OR9Q1: variants seen among roughly 807,000 people sequenced by gnomAD.
The protein encoded by OR9Q1 is olfactory receptor family 9 subfamily Q member 1, also known as olfactory receptor 9Q1.
For synonymous variants in OR9Q1, 153 were observed against 148.6 expected (o/e 1.03, Z -0.22); for missense variants, 374 against 378.8 (o/e 0.99, Z 0.11).
At chr11:58,155,768 A>C (rs916935933) in intron 2 of OR9Q1, among the ~76,000 whole-genome samples, 6 of 152,214 alleles carry the variant, frequency 3.9e-5, no homozygotes, top group Non-Finnish European at 8.8e-5. Context: ...TTGGGAGGTG[A>C]CAGAATATCA....
chr11:58,139,179 C>A (rs565417441), intron 2 of OR9Q1, among the ~76,000 whole-genome samples: 2 of 152,190 alleles, frequency 1.3e-5, no homozygotes, highest in Non-Finnish European at 1.5e-5. Context: ...AGGGGGCAAA[C>A]CTCTAGCACA....
intron 2 of OR9Q1, chr11:58,078,599 T>G (rs187750637): frequency 6.6e-6 from 1 of 152,360 alleles, no homozygotes; most frequent in African/African-American, 2.4e-5. Flanking sequence ...GAGATTCTTT[T>G]CAGTTGTAGG....
chr11:58,069,139 G>GTCCATGCCTCACACATGGGAGAC (rs530164685), intron 2 of OR9Q1, among the ~76,000 whole-genome samples: 8 of 151,464 alleles, frequency 5.3e-5, no homozygotes, highest in African/African-American at 2.0e-4. Flanking sequence ...ACTCAAGTGA[G>GTCCATGCCTCACACATGGGAGAC]TCCATGCCTC....
chr11:58,136,578 A>C (rs1217667949), intron 2 of OR9Q1, among the ~76,000 whole-genome samples: 1 of 152,132 alleles, frequency 6.6e-6, no homozygotes, highest in South Asian at 2.1e-4. Context: ...TGGCGGTTCT[A>C]TTGAGAATTA....
At chr11:58,086,968 TAG>T (rs1428429908) in intron 2 of OR9Q1, among the ~76,000 whole-genome samples, 1 of 151,798 alleles carries the variant, frequency 6.6e-6, no homozygotes, top group Non-Finnish European at 1.5e-5. Flanking sequence ...TAATGCATCA[TAG>T]ATTTCAAAAT....
At chr11:58,155,922 T>TTA (rs1242217378) in intron 2 of OR9Q1, among the ~76,000 whole-genome samples, 2 of 150,926 alleles carry the variant, frequency 1.3e-5, no homozygotes, top group Non-Finnish European at 3.0e-5. Flanking sequence ...TTCCTTCCTT[T>TTA]TTTTTTTTTT....
intron 2 of OR9Q1, among the ~76,000 whole-genome samples, chr11:58,089,971 G>T (rs966018513): frequency 2.6e-5 from 4 of 152,044 alleles, no homozygotes; most frequent in African/African-American, 9.7e-5. Flanking sequence ...GCATAGGATT[G>T]TTTGTGATTT....
intron 2 of OR9Q1, among the ~76,000 whole-genome samples, chr11:58,164,890 G>T (rs1286722307): frequency 6.6e-6 from 1 of 152,122 alleles, no homozygotes; most frequent in Non-Finnish European, 1.5e-5. Context: ...TGTTCCCTCT[G>T]CTAGCATGCT....
At chr11:58,065,789 T>G (rs1052775909) in intron 2 of OR9Q1, among the ~76,000 whole-genome samples, 2 of 152,158 alleles carry the variant, frequency 1.3e-5, no homozygotes, top group African/African-American at 4.8e-5. Flanking sequence ...GAAAAGGCCT[T>G]GCTTGCAGTT....
intron 2 of OR9Q1, chr11:58,145,029 C>A: frequency 6.1e-6 from 1 of 164,316 alleles, no homozygotes; most frequent in South Asian, 1.7e-4. Context: ...ACCTCCCACC[C>A]CTGCTGAAGC....
At chr11:58,155,479 A>G (rs1241870359) in intron 2 of OR9Q1, among the ~76,000 whole-genome samples, 1 of 152,228 alleles carries the variant, frequency 6.6e-6, no homozygotes, top group African/African-American at 2.4e-5. Flanking sequence ...TCTCAGAGTC[A>G]TGCAAGTGCA....
chr11:58,162,174 C>G (rs1854463406), intron 2 of OR9Q1, among the ~76,000 whole-genome samples: 1 of 152,180 alleles, frequency 6.6e-6, no homozygotes, highest in Non-Finnish European at 1.5e-5. Context: ...AACTGTGTAA[C>G]ATGCTAACAT....
chr11:58,169,501 G>A (rs989578637), intron 2 of OR9Q1, among the ~76,000 whole-genome samples: 9 of 152,030 alleles, frequency 5.9e-5, no homozygotes, highest in Non-Finnish European at 8.8e-5. Flanking sequence ...TCTGGGAAGC[G>A]TAGCAGGTTT....
At chr11:58,177,935 T>C (rs1054102523) in intron 2 of OR9Q1, among the ~76,000 whole-genome samples, 1 of 152,072 alleles carries the variant, frequency 6.6e-6, no homozygotes, top group Non-Finnish European at 1.5e-5. Context: ...GAAGGTAGGG[T>C]AAGAGTTGGC....
chr11:58,092,390 T>A, intron 2 of OR9Q1, among the ~76,000 whole-genome samples: 1 of 151,948 alleles, frequency 6.6e-6, no homozygotes, highest in East Asian at 1.9e-4. Flanking sequence ...TGATGTGCAA[T>A]TTTTTTGCTT....
At chr11:58,065,967 C>T (rs150648531) in intron 2 of OR9Q1, among the ~76,000 whole-genome samples, 1 of 152,282 alleles carries the variant, frequency 6.6e-6, no homozygotes, top group African/African-American at 2.4e-5. Context: ...ACCCAACCCC[C>T]AAAGACTCTG....
At chr11:58,095,482 G>C (rs977494574) in intron 2 of OR9Q1, among the ~76,000 whole-genome samples, 2 of 152,198 alleles carry the variant, frequency 1.3e-5, no homozygotes, top group Non-Finnish European at 2.9e-5. Context: ...ATTTATAAAG[G>C]AAAGAGGTTT....
intron 1 of OR9Q1, among the ~76,000 whole-genome samples, chr11:58,038,843 T>C (rs1313637799): frequency 1.3e-5 from 2 of 152,212 alleles, no homozygotes; most frequent in Admixed American, 6.5e-5. Flanking sequence ...TTAGTCTTTT[T>C]AGTTAGTCTC....
intron 2 of OR9Q1, chr11:58,171,182 T>A (rs1411582803): frequency 6.6e-6 from 1 of 152,234 alleles, no homozygotes; most frequent in Admixed American, 6.5e-5. Context: ...CCTTGCTTTA[T>A]GACACCATCA....
Sources: allele counts gnomAD v4.1 joint callset (sites outside exome capture counted in the v4.1 genomes callset), GRCh38; gene constraint gnomAD v4.1.1; transcripts MANE v1.5; gene names NCBI Gene and HGNC (gene_info 2026-07-23, HGNC 2026-07-21).